The following CA13 variants were observed in gnomAD, a reference collection of about 807,000 sequenced individuals.
CA13 encodes carbonic anhydrase 13.
CA13 carries 21 observed loss-of-function variants against 31.5 expected under a neutral mutation model. The observed-to-expected ratio is 0.67, with a 90% confidence interval of 0.47 to 0.96. The LOEUF (loss-of-function observed/expected upper bound fraction) is 0.96, where lower values mean the gene tolerates loss of function less well. Among genes scored for constraint, CA13 ranks in the 40% least tolerant of loss-of-function variants. The probability of loss-of-function intolerance (pLI) is 0.00; values close to 1 mark genes in which losing one functional copy is unlikely to be tolerated. For synonymous variants in CA13, 117 were observed against 111.4 expected, an observed-to-expected ratio of 1.05 and a Z score of -0.32; for missense variants, 315 against 318.9, an observed-to-expected ratio of 0.99 and a Z score of 0.09.
intron 6 of CA13, among the ~76,000 whole-genome samples, chr8:85,277,756 A>G (rs570381167): frequency 6.6e-6 from 1 of 152,100 alleles, no homozygotes; most frequent in Non-Finnish European, 1.5e-5. Flanking sequence ...GGAAGTGAGG[A>G]CGGGGCAGGG....
intron 3 of CA13, 149 bp downstream of exon 3, chr8:85,259,688 T>G (rs2129969215): frequency 1.6e-6 from 1 of 634,156 alleles, no homozygotes; most frequent in Non-Finnish European, 2.7e-6. Context: ...ATATGAGAGT[T>G]TATGAATATG....
intron 6 of CA13, among the ~76,000 whole-genome samples, chr8:85,274,148 C>T (rs1300248009): frequency 6.6e-6 from 1 of 151,932 alleles, no homozygotes; most frequent in Non-Finnish European, 1.5e-5. Context: ...CTTTCAGGTC[C>T]CGGGGAGAAT....
intron 1 of CA13, among the ~76,000 whole-genome samples, chr8:85,248,625 A>G (rs6605611): frequency 0.61 from 92,263 of 151,340 alleles, 28,617 homozygotes; most frequent in Non-Finnish European, 0.65. Flanking sequence ...TTTTTGGAAA[A>G]ATTGAAAAAG....
rs1228331953 is a variant in CA13 at position 85,282,526 on chromosome 8, A to G, written c.*1177A>G. The G allele has an allele frequency of 1.3e-5, 2 of 152,232 alleles. No individual in the cohort carries two copies. Among genetic ancestry groups the G allele is most frequent in the Non-Finnish European group, 2.9e-5 (2 of 68,036 alleles). The allele number at this position is 152,232 out of a possible 1,614,324, so 9.4% of individuals were successfully genotyped here. On this transcript the variant is annotated 3_prime_UTR_variant, in exon 7 of 7. Coordinates refer to ENST00000321764, the MANE Select transcript of CA13 (RefSeq NM_198584.3). ...TGTTTTGGCAGCAAAGCAGGAAGCAATTTTGTGTGGGTCATTGTTCTGTCA... is the reference window on the plus strand; with the variant it reads ...TGTTTTGGCAGCAAAGCAGGAAGCAGTTTTGTGTGGGTCATTGTTCTGTCA...
At chr8:85,269,367 C>T (rs1807497235) in intron 6 of CA13, among the ~76,000 whole-genome samples, 1 of 152,130 alleles carries the variant, frequency 6.6e-6, no homozygotes, top group Non-Finnish European at 1.5e-5. Context: ...GGGAGGATTG[C>T]TTGAACCCAA....
chr8:85,273,763 C>T (rs976245955), intron 6 of CA13, among the ~76,000 whole-genome samples: 20 of 152,122 alleles, frequency 1.3e-4, no homozygotes, highest in African/African-American at 4.8e-4. Flanking sequence ...CCTGTCTGCC[C>T]CCAGGGATGC....
chr8:85,252,515 T>C (rs1807208566), intron 2 of CA13, among the ~76,000 whole-genome samples: 1 of 152,218 alleles, frequency 6.6e-6, no homozygotes. Context: ...AATAATGGAC[T>C]TATAGATTAT....
Position 85,245,514 on chromosome 8 carries a change from C to T in CA13, c.-315C>T. 1 of 388,100 alleles carries T rather than the reference C, an allele frequency of 2.6e-6. No homozygotes were observed. The highest frequency in any genetic ancestry group is 4.7e-5 in the Admixed American group (1 of 21,430). 24.0% of individuals were successfully genotyped at this position (388,100 alleles called of 1,614,324 possible). The stretch of plus-strand genomic sequence containing the variant: ...TTTCCTCTCCCGAGTGACGACTCCT[C>T]AGAAGGCAGGAGATCCCCCCCGGAA... On this transcript the variant is annotated 5_prime_UTR_variant, in exon 1 of 7. Coordinates refer to ENST00000321764, the MANE Select transcript of CA13 (RefSeq NM_198584.3).
At chr8:85,252,742 T>G (rs915271683) in intron 2 of CA13, among the ~76,000 whole-genome samples, 17 of 152,218 alleles carry the variant, frequency 1.1e-4, no homozygotes, top group Non-Finnish European at 2.4e-4. Flanking sequence ...GATGATGCTG[T>G]ATTTGCTCTA....
rs375909938 is a variant in CA13, at chr8:85,245,493, C to T, written c.-336C>T. 3.1e-6 allele frequency: 1 copy of T among 325,266 alleles called. No individual in the cohort carries two copies. Among genetic ancestry groups the T allele is most frequent in the East Asian group, 7.5e-5 (1 of 13,372 alleles). 20.1% of individuals were successfully genotyped at this position (325,266 alleles called of 1,614,324 possible). A position where few individuals can be genotyped will look rare whatever the true frequency, so the allele number is the denominator to read the frequency against. On this transcript the variant is annotated 5_prime_UTR_variant, in exon 1 of 7. Coordinates refer to ENST00000321764, the MANE Select transcript of CA13 (RefSeq NM_198584.3). ...TGGAAGTCCTCTAGGCAACACTTTC[C>T]TCTCCCGAGTGACGACTCCTCAGAA...
intron 2 of CA13, among the ~76,000 whole-genome samples, chr8:85,257,576 T>C (rs1370718081): frequency 1.3e-5 from 2 of 150,444 alleles, no homozygotes; most frequent in Admixed American, 1.3e-4. Context: ...AAAATACAAC[T>C]AGCTGGACGT....
At chr8:85,253,545 A>G (rs371591850) in intron 2 of CA13, among the ~76,000 whole-genome samples, 1 of 152,168 alleles carries the variant, frequency 6.6e-6, no homozygotes, top group Admixed American at 6.5e-5. Context: ...GAGCCACCAC[A>G]CTGGCCTAAG....
chr8:85,254,001 G>A (rs1368602166), intron 2 of CA13, among the ~76,000 whole-genome samples: 1 of 152,050 alleles, frequency 6.6e-6, no homozygotes, highest in Non-Finnish European at 1.5e-5. Flanking sequence ...AAATAAGGCC[G>A]GGTGTGGTGG....
chr8:85,246,087 G>T (rs1342509696), intron 1 of CA13, among the ~76,000 whole-genome samples: 1 of 152,198 alleles, frequency 6.6e-6, no homozygotes, highest in African/African-American at 2.4e-5. Flanking sequence ...GTTGGTGTGT[G>T]TTATCTCTGT....
chr8:85,268,646 G>A lies in CA13; in HGVS notation c.669+19G>A, dbSNP rs370153375. 14 of 1,578,464 alleles carry A rather than the reference G, an allele frequency of 8.9e-6. No homozygotes were observed. In the East Asian group the frequency reaches 1.4e-4, roughly 16 times the overall value. On this transcript the variant is annotated intron_variant, in intron 6 of 6. Coordinates refer to ENST00000321764, the MANE Select transcript of CA13 (RefSeq NM_198584.3). ...TCAACAGGTACATAATCTCTTCCAG[G>A]TTGATACTGATTCCCTCAGAGGAAA...
intron 2 of CA13, 25 bp downstream of exon 2, chr8:85,250,962 G>T: frequency 6.4e-7 from 1 of 1,550,650 alleles, no homozygotes; most frequent in Non-Finnish European, 8.9e-7. Context: ...TTTTGTGTGT[G>T]TGGTGGTGGA....
At position 85,277,408 on chromosome 8, in the gene CA13, C is replaced by T. The variant is rs546976340; in HGVS notation, c.670-3822C>T. Among the ~76,000 whole-genome samples the T allele has an allele frequency of 1.4e-4, 22 of 152,122 alleles. No individual in the cohort carries two copies. In the East Asian group the frequency reaches 4.1e-3, roughly 28 times the overall value. On this transcript the variant is annotated intron_variant, in intron 6 of 6. Coordinates refer to ENST00000321764, the MANE Select transcript of CA13 (RefSeq NM_198584.3). ...CTCCTGAGCCAGCGAGACCATGAACCCACCAGAAGGAGGAAACTCTGAGCA... is the reference window on the plus strand; with the variant it reads ...CTCCTGAGCCAGCGAGACCATGAACTCACCAGAAGGAGGAAACTCTGAGCA...
intron 6 of CA13, among the ~76,000 whole-genome samples, chr8:85,274,292 C>T (rs1391038563): frequency 2.0e-5 from 3 of 152,126 alleles, no homozygotes; most frequent in Non-Finnish European, 2.9e-5. Context: ...TCTTGAGAGA[C>T]GGGTTTGTAT....
At position 85,283,592 on chromosome 8, in the gene CA13, A is replaced by G. The variant is rs1471154215; in HGVS notation, c.*2243A>G. The stretch of plus-strand genomic sequence containing the variant: ...GTAACTTGTAAAACCAAAAGTTCTA[A>G]TGGTTTTTAAAAACCAGTGTTGAGT... On this transcript the variant is annotated 3_prime_UTR_variant, in exon 7 of 7. Transcript: ENST00000321764. The G allele has an allele frequency of 6.6e-6, 1 of 152,648 alleles. No homozygotes were observed. Among genetic ancestry groups the G allele is most frequent in the Non-Finnish European group, 1.5e-5 (1 of 68,020 alleles). The allele number at this position is 152,648 out of a possible 1,614,324, so 9.5% of individuals were successfully genotyped here. A position where few individuals can be genotyped will look rare whatever the true frequency, so the allele number is the denominator to read the frequency against.
Sources: allele counts gnomAD v4.1 joint callset (sites outside exome capture counted in the v4.1 genomes callset), GRCh38; gene constraint gnomAD v4.1.1; transcripts MANE v1.5; gene names NCBI Gene and HGNC (gene_info 2026-07-23, HGNC 2026-07-21).